ZBTB5: variants seen among roughly 807,000 people sequenced by gnomAD.
ZBTB5 encodes zinc finger and BTB domain-containing protein 5.
In ZBTB5, 15 loss-of-function variants were observed where a neutral mutation model predicts 37.9. The observed-to-expected ratio is 0.40, with a 90% confidence interval of 0.26 to 0.61. The LOEUF is 0.61. ZBTB5 is among the 20% of genes least tolerant of loss of function. The pLI is 0.47. For missense variants in ZBTB5, 708 were observed against 856.8 expected, an observed-to-expected ratio of 0.83 and a Z score of 2.17; for synonymous variants, 315 against 312.4, an observed-to-expected ratio of 1.01 and a Z score of -0.09.
chr9:37,461,149 TAA>T lies in ZBTB5; in HGVS notation c.-5+4064_-5+4065del, dbSNP rs1210284828. Among the ~76,000 whole-genome samples the T allele has an allele frequency of 3.3e-5, 5 of 152,220 alleles. No homozygotes were observed. In the Middle Eastern group the frequency reaches 9.5e-3, roughly 289 times the overall value. On this transcript the variant is annotated intron_variant, in intron 1 of 1. Transcript: ENST00000307750. Reference sequence around the variant, plus strand: ...CAAAATAAGTACAATCTAAGTAACTTAAATGTGTTTAGATTTTTGTAGCATTT... The same window carrying T: ...CAAAATAAGTACAATCTAAGTAACTTATGTGTTTAGATTTTTGTAGCATTT...
intron 1 of ZBTB5, among the ~76,000 whole-genome samples, chr9:37,459,802 C>T (rs1313972952): frequency 6.6e-6 from 1 of 151,466 alleles, no homozygotes; most frequent in African/African-American, 2.4e-5. Flanking sequence ...GCTCTGCCTC[C>T]CGGGTTCATG....
rs935845601 is a variant in ZBTB5, at chr9:37,441,560, G to C, written c.992C>G (p.Ser331Cys). The change falls in exon 2 of 2, where the codon TCT (serine) becomes TGT (cysteine). Residue 331 changes from serine to cysteine, a missense_variant. Around this residue, in one of 3 missense-constraint regions of ZBTB5, gnomAD observed 639 missense variants for 690.5 expected, o/e 0.93. Coordinates refer to ENST00000307750, the MANE Select transcript of ZBTB5 (RefSeq NM_014872.3). ...EKEHMRVVVK[S>C]EPLSSPEPQD... The stretch of plus-strand genomic sequence containing the variant: ...AGGCTCAGGTGAGCTCAGGGGCTCA[G>C]ATTTAACCACCACTCTCATGTGCTC... The C allele has an allele frequency of 1.2e-6, 2 of 1,612,648 alleles. No individual in the cohort carries two copies. The highest frequency in any genetic ancestry group is 1.7e-6 in the Non-Finnish European group (2 of 1,179,870).
At chr9:37,461,226 G>A (rs1167555288) in intron 1 of ZBTB5, among the ~76,000 whole-genome samples, 2 of 151,980 alleles carry the variant, frequency 1.3e-5, no homozygotes, top group Non-Finnish European at 2.9e-5. Context: ...TTGTTTTCCT[G>A]GTCTTCCTTC....
At chr9:37,461,562 T>C (rs1387968151) in intron 1 of ZBTB5, among the ~76,000 whole-genome samples, 14 of 152,164 alleles carry the variant, frequency 9.2e-5, no homozygotes, top group Non-Finnish European at 1.5e-4. Flanking sequence ...ACCCTGTCTC[T>C]ACCAAAAAGT....
chr9:37,459,445 A>G (rs1342384388), intron 1 of ZBTB5, among the ~76,000 whole-genome samples: 3 of 151,412 alleles, frequency 2.0e-5, no homozygotes, highest in Non-Finnish European at 4.4e-5. Context: ...GGGCAACAAG[A>G]GCAAAACTCT....
rs1439775390 is a variant in ZBTB5, at chr9:37,439,541, G to A, written c.*977C>T. On this transcript the variant is annotated 3_prime_UTR_variant, in exon 2 of 2. Transcript: ENST00000307750. ...AAAACGGTAATCTAAACCTGGGAGA[G>A]TTGCTATATGGGGAGGGGAGAGTGA... The A allele has an allele frequency of 1.3e-5, 2 of 152,202 alleles. No homozygotes were observed. The highest frequency in any genetic ancestry group is 2.9e-5 in the Non-Finnish European group (2 of 68,044). 9.4% of individuals were successfully genotyped at this position (152,202 alleles called of 1,614,324 possible). A position where few individuals can be genotyped will look rare whatever the true frequency, so the allele number is the denominator to read the frequency against.
intron 1 of ZBTB5, among the ~76,000 whole-genome samples, chr9:37,447,807 CTT>C (rs78707930): frequency 3.7e-4 from 52 of 138,970 alleles, no homozygotes; most frequent in Non-Finnish European, 3.9e-4. Flanking sequence ...CTCAATGCTT[CTT>C]TTTTTTTTTT....
Position 37,441,423 on chromosome 9 carries a change from G to T in ZBTB5, c.1129C>A (p.Arg377=), listed in dbSNP as rs763671777. The T allele has an allele frequency of 1.9e-6, 3 of 1,613,696 alleles. No homozygotes were observed. The highest frequency in any genetic ancestry group is 1.3e-5 in the African/African-American group (1 of 74,876). Residue 377 remains arginine, a synonymous_variant, in exon 2 of 2, where the codon CGG becomes AGG. Transcript: ENST00000307750. ...CTAGACTGGGGATCTGAAAAACTCC[G>T]ATCACTGCTTTCAGGGCTGAGGTCT... ...KIDLSPESSD[R]SFSDPQSSTD...
At chr9:37,445,943 A>G (rs1378832606) in intron 1 of ZBTB5, among the ~76,000 whole-genome samples, 1 of 152,076 alleles carries the variant, frequency 6.6e-6, no homozygotes, top group Non-Finnish European at 1.5e-5. Context: ...TCAACTAAAA[A>G]TGCAAAAAGT....
At position 37,463,324 on chromosome 9, in the gene ZBTB5, A is replaced by G. The variant is rs570436279; in HGVS notation, c.-5+1891T>C. On this transcript the variant is annotated intron_variant, in intron 1 of 1. Coordinates refer to ENST00000307750, the MANE Select transcript of ZBTB5 (RefSeq NM_014872.3). ...CTAACAAAACTGGCTCTACTAGACA[A>G]CATCCATATTTGAGAAATATTACGT... 6.6e-5 allele frequency among the ~76,000 whole-genome samples: 10 copies of G among 152,346 alleles called. No individual in the cohort carries two copies. The East Asian group carries it at 1.9e-3, about 29-fold the overall frequency.
At position 37,452,253 on chromosome 9, in the gene ZBTB5, G is replaced by A. The variant is rs140053789; in HGVS notation, c.-4-9698C>T. 4.8e-3 allele frequency among the ~76,000 whole-genome samples: 728 copies of A among 152,302 alleles called. 5 individuals are homozygous for A. Among genetic ancestry groups the A allele is most frequent in the African/African-American group, 0.016 (681 of 41,580 alleles). ...TGATTTTGCAAAGGCAGTTTCAATT[G>A]CACTGACTGAATTTTAAGATAAGCT... On this transcript the variant is annotated intron_variant, in intron 1 of 1. Coordinates refer to ENST00000307750, the MANE Select transcript of ZBTB5 (RefSeq NM_014872.3).
chr9:37,442,406 A>C lies in ZBTB5; in HGVS notation c.146T>G (p.Phe49Cys). 6.2e-7 allele frequency: 1 copy of C among 1,613,876 alleles called. No individual in the cohort carries two copies. Among genetic ancestry groups the C allele is most frequent in the Non-Finnish European group, 8.5e-7 (1 of 1,179,972 alleles). ...TTCTGCCACTGAGAACAGGGCTCGGAAATGCGTGCTGCATGCTGCCAGCAC... is the reference window on the plus strand; with the variant it reads ...TTCTGCCACTGAGAACAGGGCTCGGCAATGCGTGCTGCATGCTGCCAGCAC... ...RSVLAACSTH[F>C]RALFSVAEGD... Residue 49 changes from phenylalanine to cysteine, a missense_variant, in exon 2 of 2, where the codon TTC (phenylalanine) becomes TGC (cysteine). Around this residue, in one of 3 missense-constraint regions of ZBTB5, gnomAD observed 639 missense variants for 690.5 expected, o/e 0.93. Transcript: ENST00000307750.
Position 37,441,422 on chromosome 9 carries a change from C to G in ZBTB5, c.1130G>C (p.Arg377Pro). The change falls in exon 2 of 2, where the codon CGG becomes CCG. Residue 377 changes from arginine (R) to proline (P), a missense_variant. This residue lies in a region of ZBTB5 where 639 missense variants were observed against 690.5 expected (regional missense o/e 0.93). Transcript: ENST00000307750. ...GCTAGACTGGGGATCTGAAAAACTC[C>G]GATCACTGCTTTCAGGGCTGAGGTC... ...KIDLSPESSD[R>P]SFSDPQSSTD... The G allele has an allele frequency of 6.2e-7, 1 of 1,613,786 alleles. No individual in the cohort carries two copies. The highest frequency in any genetic ancestry group is 1.1e-5 in the South Asian group (1 of 91,064).
intron 1 of ZBTB5, among the ~76,000 whole-genome samples, chr9:37,447,694 T>G (rs2118940467): frequency 6.6e-6 from 1 of 152,338 alleles, no homozygotes; most frequent in Middle Eastern, 3.4e-3. Flanking sequence ...AGGTGGGAAT[T>G]ATTTTCCTGA....
chr9:37,442,615 A>G, intron 1 of ZBTB5, 60 bp from the exon 2 acceptor site: 1 of 1,367,400 alleles, frequency 7.3e-7, no homozygotes, highest in Non-Finnish European at 1.0e-6. Flanking sequence ...GTCAGAACAC[A>G]AAGGGTATGA....
intron 1 of ZBTB5, among the ~76,000 whole-genome samples, chr9:37,447,318 A>G (rs908389456): frequency 6.6e-6 from 1 of 152,182 alleles, no homozygotes; most frequent in Admixed American, 6.5e-5. Context: ...CCAGGATCCA[A>G]TCACCTCCTT....
Position 37,442,129 on chromosome 9 carries a change from C to T in ZBTB5, c.423G>A (p.Gln141=). ...CCAGCTGCTGTAGCATAAAGGAGCG[C>T]TGCATGCGGGCGCTCTGCTCCTGAA... The part of the protein sequence containing the change: ...ERVQEQSARM[Q]RSFMLQQLGL... Residue 141 remains glutamine, a synonymous_variant, in exon 2 of 2, where the codon CAG becomes CAA. Coordinates refer to ENST00000307750, the MANE Select transcript of ZBTB5 (RefSeq NM_014872.3). 3 of 1,614,218 alleles carry T rather than the reference C, an allele frequency of 1.9e-6. No homozygotes were observed. The highest frequency in any genetic ancestry group is 1.7e-6 in the Non-Finnish European group (2 of 1,180,050).
rs1823836678 is a variant in ZBTB5 at position 37,440,291 on chromosome 9, C to T, written c.*227G>A. ...CTACTTTCTGACTGCATTACTCAAC[C>T]CCAAGGAAGCACCTGGTTTCAGGGA... On this transcript the variant is annotated 3_prime_UTR_variant, in exon 2 of 2. Transcript: ENST00000307750. The T allele has an allele frequency of 3.7e-6, 2 of 533,758 alleles. No individual in the cohort carries two copies. The highest frequency in any genetic ancestry group is 5.5e-5 in the South Asian group (2 of 36,114). The allele number at this position is 533,758 out of a possible 1,614,324, so 33.1% of individuals were successfully genotyped here.
At position 37,438,496 on chromosome 9, in the gene ZBTB5, T is replaced by C. The variant is rs1823771737; in HGVS notation, c.*2022A>G. 6.6e-6 allele frequency: 1 copy of C among 152,350 alleles called. No individual in the cohort carries two copies. 9.4% of individuals were successfully genotyped at this position (152,350 alleles called of 1,614,324 possible). On this transcript the variant is annotated 3_prime_UTR_variant, in exon 2 of 2. Coordinates refer to ENST00000307750, the MANE Select transcript of ZBTB5 (RefSeq NM_014872.3). ...GCAGTGGAGAGGCAGGGCTCCAGCA[T>C]GTATCAGAGATAAGCCCCAAAAGCA...
Sources: allele counts gnomAD v4.1 joint callset (sites outside exome capture counted in the v4.1 genomes callset), GRCh38; gene constraint gnomAD v4.1.1; regional missense constraint gnomAD v4.1.1; transcripts MANE v1.5; gene names NCBI Gene and HGNC (gene_info 2026-07-23, HGNC 2026-07-21).